CCDC178: variants seen among roughly 807,000 people sequenced by gnomAD.
The protein encoded by CCDC178 is coiled-coil domain containing 178, also known as coiled-coil domain-containing protein 178.
CCDC178 carries 126 observed loss-of-function variants against 117.4 expected under a neutral mutation model. That is an observed-to-expected ratio of 1.07 (90% confidence interval 0.93 to 1.24). The LOEUF (loss-of-function observed/expected upper bound fraction) is 1.24, where lower values mean the gene tolerates loss of function less well. Among genes scored for constraint, CCDC178 ranks in the 50% most tolerant of loss-of-function variants. The probability of loss-of-function intolerance (pLI) is 0.00; values close to 1 mark genes in which losing one functional copy is unlikely to be tolerated. For missense variants in CCDC178, 1,030 were observed against 986.9 expected (o/e 1.04, Z -0.59); for synonymous variants, 283 against 313.4 (o/e 0.90, Z 1.02).
chr18:33,431,460 T>C (rs2064219103), intron 2 of CCDC178, among the ~76,000 whole-genome samples: 1 of 152,216 alleles, frequency 6.6e-6, no homozygotes, highest in Admixed American at 6.5e-5. Context: ...ACCACTATCA[T>C]ACTTTTTGTT....
chr18:33,214,448 G>T (rs929787770), intron 19 of CCDC178, among the ~76,000 whole-genome samples: 1 of 151,934 alleles, frequency 6.6e-6, no homozygotes, highest in Non-Finnish European at 1.5e-5. Context: ...TGTCTGAAAG[G>T]CCATATAATC....
In CCDC178 at chr18:32,968,688, C is replaced by T. The variant is rs558351131; in HGVS notation, c.2523+5859G>A. ...TATAATTAAATACTTTTTCTATTAC[C>T]ATATAGAGTGAACCAGTAATATTTA... On this transcript the variant is annotated intron_variant, in intron 22 of 22. Transcript: ENST00000383096. Among the ~76,000 whole-genome samples the T allele has an allele frequency of 3.3e-5, 5 of 151,972 alleles. No homozygotes were observed. In the South Asian group the frequency reaches 1.0e-3, roughly 32 times the overall value.
chr18:33,009,245 A>G lies in CCDC178; in HGVS notation c.2389-34564T>C, dbSNP rs752464618. Among the ~76,000 whole-genome samples, 5 of 152,072 alleles carry G rather than the reference A, an allele frequency of 3.3e-5. No homozygotes were observed. The East Asian group carries it at 5.8e-4, about 18-fold the overall frequency. ...CTCTGTCTTTGACCACTTTCAGTCT[A>G]TTTCAAACCCAGTTTCCAGAGTGAT... On this transcript the variant is annotated intron_variant, in intron 21 of 22. Transcript: ENST00000383096.
At chr18:33,122,972 C>T (rs1298962471) in intron 20 of CCDC178, among the ~76,000 whole-genome samples, 1 of 152,072 alleles carries the variant, frequency 6.6e-6, no homozygotes. Context: ...GCACTAAGAA[C>T]ACATGATAGA....
At chr18:33,142,055 T>G (rs2058212541) in intron 20 of CCDC178, among the ~76,000 whole-genome samples, 1 of 152,188 alleles carries the variant, frequency 6.6e-6, no homozygotes. Context: ...AGCCTATTCT[T>G]TAAACTATAG....
chr18:33,265,857 C>T (rs1211358416), intron 14 of CCDC178, among the ~76,000 whole-genome samples: 1 of 151,920 alleles, frequency 6.6e-6, no homozygotes, highest in Non-Finnish European at 1.5e-5. Flanking sequence ...TGAGTTCATG[C>T]CAGACATGAC....
At chr18:32,948,085 T>G (rs2054395462) in intron 22 of CCDC178, among the ~76,000 whole-genome samples, 1 of 152,142 alleles carries the variant, frequency 6.6e-6, no homozygotes, top group Non-Finnish European at 1.5e-5. Context: ...ATGCCTCATT[T>G]TTTTGGTTAC....
At chr18:33,056,648 T>C (rs1355802936) in intron 21 of CCDC178, among the ~76,000 whole-genome samples, 1 of 152,196 alleles carries the variant, frequency 6.6e-6, no homozygotes, top group Non-Finnish European at 1.5e-5. Context: ...ATTCAGAAAT[T>C]CACAATATTA....
chr18:33,309,829 G>A lies in CCDC178; in HGVS notation c.1022+13662C>T, dbSNP rs1459990863. Among the ~76,000 whole-genome samples, 4 of 151,792 alleles carry A rather than the reference G, an allele frequency of 2.6e-5. No homozygotes were observed. The East Asian group carries it at 7.7e-4, about 29-fold the overall frequency. ...GTAAAAGTGTTATAGACATAAAGAT[G>A]TATTTTTGCATAAGAAATGTTATAA... On this transcript the variant is annotated intron_variant, in intron 11 of 22. Transcript: ENST00000383096.
In CCDC178 at chr18:33,293,317, G is replaced by A; in HGVS notation, c.1023-5C>T. On this transcript the variant is annotated splice_polypyrimidine_tract_variant and splice_region_variant and intron_variant, in intron 11 of 22. Coordinates refer to ENST00000383096, the MANE Select transcript of CCDC178 (RefSeq NM_001105528.4). Reference sequence around the variant, plus strand: ...TTAAGTTGATATATCTCTCTCCTAGGGATAAAAACACAGTTTATTTTATTC... The same window carrying A: ...TTAAGTTGATATATCTCTCTCCTAGAGATAAAAACACAGTTTATTTTATTC... The A allele has an allele frequency of 1.4e-6, 2 of 1,452,368 alleles. No individual in the cohort carries two copies. The highest frequency in any genetic ancestry group is 1.9e-6 in the Non-Finnish European group (2 of 1,056,598). The allele number at this position is 1,452,368 out of a possible 1,614,324, so 90.0% of individuals were successfully genotyped here.
At chr18:33,251,751 T>C (rs910992706) in intron 14 of CCDC178, among the ~76,000 whole-genome samples, 3 of 151,704 alleles carry the variant, frequency 2.0e-5, no homozygotes, top group Non-Finnish European at 3.0e-5. Flanking sequence ...TTTTCTTTTA[T>C]CTACTGCCCC....
intron 6 of CCDC178, among the ~76,000 whole-genome samples, chr18:33,362,130 T>A (rs557161884): frequency 6.6e-6 from 1 of 150,996 alleles, no homozygotes; most frequent in South Asian, 2.1e-4. Flanking sequence ...CATACACGCA[T>A]GTATGCATGT....
chr18:33,412,090 GT>G lies in CCDC178; in HGVS notation c.-3del. On this transcript the variant is annotated 5_prime_UTR_variant, in exon 3 of 23. Coordinates refer to ENST00000383096, the MANE Select transcript of CCDC178 (RefSeq NM_001105528.4). ...GGAAACTGTCTTGTTTTCAGTCATAGTTATAAGAATATTTTAAAACCTAATT... is the reference window on the plus strand; with the variant it reads ...GGAAACTGTCTTGTTTTCAGTCATAGTATAAGAATATTTTAAAACCTAATT... 7.0e-7 allele frequency: 1 copy of G among 1,421,278 alleles called. No homozygotes were observed. The allele number at this position is 1,421,278 out of a possible 1,614,324, so 88.0% of individuals were successfully genotyped here.
intron 10 of CCDC178, among the ~76,000 whole-genome samples, chr18:33,327,785 G>T (rs1470125445): frequency 6.6e-6 from 1 of 152,026 alleles, no homozygotes; most frequent in Non-Finnish European, 1.5e-5. Flanking sequence ...ACTATGAACA[G>T]ATATATAACA....
intron 20 of CCDC178, among the ~76,000 whole-genome samples, chr18:33,104,316 A>G (rs2057672764): frequency 6.6e-6 from 1 of 151,726 alleles, no homozygotes; most frequent in Non-Finnish European, 1.5e-5. Context: ...GATTTCTTCT[A>G]CCAACTAGCC....
chr18:33,238,755 A>G (rs995767208), intron 15 of CCDC178, among the ~76,000 whole-genome samples: 3 of 152,132 alleles, frequency 2.0e-5, no homozygotes, highest in African/African-American at 7.2e-5. Context: ...TGAGAGAGAG[A>G]TGGACATCTA....
chr18:33,160,523 G>A (rs1249635023), intron 20 of CCDC178, among the ~76,000 whole-genome samples: 1 of 152,030 alleles, frequency 6.6e-6, no homozygotes, highest in African/African-American at 2.4e-5. Context: ...TAAACACTTG[G>A]TCAATATTCT....
intron 21 of CCDC178, among the ~76,000 whole-genome samples, chr18:33,081,237 A>C (rs1237978577): frequency 6.6e-6 from 1 of 152,228 alleles, no homozygotes; most frequent in African/African-American, 2.4e-5. Flanking sequence ...TGTTTTAACA[A>C]TATTAATAGT....
rs2055178270 is a variant in CCDC178 at position 32,982,752 on chromosome 18, C to T, written c.2389-8071G>A. Among the ~76,000 whole-genome samples, 5 of 152,190 alleles carry T rather than the reference C, an allele frequency of 3.3e-5. No individual in the cohort carries two copies. In the Middle Eastern group the frequency reaches 0.017, roughly 518 times the overall value. On this transcript the variant is annotated intron_variant, in intron 21 of 22. Coordinates refer to ENST00000383096, the MANE Select transcript of CCDC178 (RefSeq NM_001105528.4). Reference sequence around the variant, plus strand: ...CTGCAATAAACAATCTTTATCAATACAACATGTAGGACAAGTATGAAAAGT... The same window carrying T: ...CTGCAATAAACAATCTTTATCAATATAACATGTAGGACAAGTATGAAAAGT...
Sources: gnomAD v4.1 joint callset for allele counts (sites outside exome capture counted in the v4.1 genomes callset) on GRCh38, gnomAD v4.1.1 for gene constraint, MANE v1.5 for transcripts, NCBI Gene and HGNC (gene_info 2026-07-23, HGNC 2026-07-21) for gene names.